Variants in VSTM4 observed in about 807,000 individuals in gnomAD.
VSTM4 encodes V-set and transmembrane domain-containing protein 4.
VSTM4 carries 20 observed loss-of-function variants against 36.4 expected under a neutral mutation model. The observed-to-expected ratio is 0.55, with a 90% CI of 0.39 to 0.80. The LOEUF is 0.80. Among genes scored for constraint, VSTM4 ranks in the 30% least tolerant of loss-of-function variants. VSTM4 has a pLI of 0.00. For synonymous variants in VSTM4, 182 were observed against 173.9 expected (o/e 1.05, Z -0.37); for missense variants, 392 against 404.5 (o/e 0.97, Z 0.26).
At chr10:49,033,762 TC>T (rs1241556724) in intron 7 of VSTM4, among the ~76,000 whole-genome samples, 1 of 152,192 alleles carries the variant, frequency 6.6e-6, no homozygotes, top group African/African-American at 2.4e-5. Flanking sequence ...CTCTAACTCA[TC>T]TGTGAAATGG....
chr10:49,100,545 G>A (rs561682545), intron 2 of VSTM4, among the ~76,000 whole-genome samples: 3 of 151,558 alleles, frequency 2.0e-5, no homozygotes, highest in Admixed American at 6.6e-5. Context: ...AAAAATGTTC[G>A]AGAGTCATGT....
In VSTM4 at chr10:49,019,321, A is replaced by C. The variant is rs1011642981; in HGVS notation, c.*329T>G. 5.2e-6 allele frequency: 1 copy of C among 190,632 alleles called. No homozygotes were observed. Among genetic ancestry groups the C allele is most frequent in the Non-Finnish European group, 1.1e-5 (1 of 94,156 alleles). The allele number at this position is 190,632 out of a possible 1,614,324, so 11.8% of individuals were successfully genotyped here. On this transcript the variant is annotated 3_prime_UTR_variant, in exon 8 of 8. Coordinates refer to ENST00000332853, the MANE Select transcript of VSTM4 (RefSeq NM_001031746.5). ...AAAATTAAGATTTAAAAACGATTTT[A>C]AAGAAAACCTGGGGAAAGAGGAGAA...
rs74703028 is a variant in VSTM4 at position 49,085,112 on chromosome 10, G to T, written c.526+843C>A. Among the ~76,000 whole-genome samples, 82 of 152,346 alleles carry T rather than the reference G, an allele frequency of 5.4e-4. 1 individual carries two copies. In the East Asian group the frequency reaches 8.1e-3, roughly 15 times the overall value. ...TTGCCTGGATGTCTTGTTAAACCCC[G>T]GATTTCTTGGGCACCATCCCTAGAA... On this transcript the variant is annotated intron_variant, in intron 3 of 7. Transcript: ENST00000332853.
In VSTM4 at chr10:49,115,415, G is replaced by C. The variant is rs1844977952; in HGVS notation, c.55+16C>G. ...CCCCCACCCTTCCCGCTCCCGCCTG[G>C]CCCCGCCGCGCTTACCCGGAGCCGG... is the stretch of plus-strand genomic sequence containing the variant. On this transcript the variant is annotated intron_variant, in intron 1 of 7. Coordinates refer to ENST00000332853, the MANE Select transcript of VSTM4 (RefSeq NM_001031746.5). The C allele has an allele frequency of 9.7e-7, 1 of 1,029,454 alleles. No individual in the cohort carries two copies. Among genetic ancestry groups the C allele is most frequent in the South Asian group, 3.6e-5 (1 of 27,516 alleles). The allele number at this position is 1,029,454 out of a possible 1,614,324, so 63.8% of individuals were successfully genotyped here.
chr10:49,111,171 A>G (rs577282608), intron 1 of VSTM4, among the ~76,000 whole-genome samples: 1 of 152,342 alleles, frequency 6.6e-6, no homozygotes, highest in South Asian at 2.1e-4. Context: ...GATGGGGCAA[A>G]GCAGGAGGGA....
intron 5 of VSTM4, among the ~76,000 whole-genome samples, chr10:49,053,542 G>C (rs1312516956): frequency 6.6e-6 from 1 of 152,230 alleles, no homozygotes; most frequent in African/African-American, 2.4e-5. Context: ...CTCTTGCAAA[G>C]TTATGAGGGT....
Position 49,019,465 on chromosome 10 carries a change from G to T in VSTM4, c.*185C>A. 1 of 670,938 alleles carries T rather than the reference G, an allele frequency of 1.5e-6. No individual in the cohort carries two copies. Among genetic ancestry groups the T allele is most frequent in the Non-Finnish European group, 2.1e-6 (1 of 466,138 alleles). 41.6% of individuals were successfully genotyped at this position (670,938 alleles called of 1,614,324 possible). On this transcript the variant is annotated 3_prime_UTR_variant, in exon 8 of 8. Coordinates refer to ENST00000332853, the MANE Select transcript of VSTM4 (RefSeq NM_001031746.5). ...TCCCGGGAGATCTGTCAAGAGCTGT[G>T]GCCCCGATTCTTTTGGGGAGAGCAG...
chr10:49,083,169 T>G (rs182938798), intron 3 of VSTM4, among the ~76,000 whole-genome samples: 2 of 152,240 alleles, frequency 1.3e-5, no homozygotes, highest in Non-Finnish European at 1.5e-5. Flanking sequence ...AGTCAGGAGA[T>G]AGCAGTTTGA....
intron 2 of VSTM4, among the ~76,000 whole-genome samples, chr10:49,097,758 C>A (rs1023808603): frequency 6.6e-6 from 1 of 152,178 alleles, no homozygotes; most frequent in African/African-American, 2.4e-5. Context: ...GACATTTTGG[C>A]CCCCTAAAAT....
In VSTM4 at chr10:49,025,556, C is replaced by T. The variant is rs553850890; in HGVS notation, c.838-5781G>A. Among the ~76,000 whole-genome samples, 5 of 152,338 alleles carry T rather than the reference C, an allele frequency of 3.3e-5. No individual in the cohort carries two copies. In the South Asian group the frequency reaches 1.0e-3, roughly 32 times the overall value. On this transcript the variant is annotated intron_variant, in intron 7 of 7. Transcript: ENST00000332853. ...GCCAGGCCTCGGCCTTGACCCTGGG[C>T]TGCAACAGATCTAGCTGGGTTGCTG... is the stretch of plus-strand genomic sequence containing the variant.
chr10:49,098,059 AC>A (rs1844604630), intron 2 of VSTM4, among the ~76,000 whole-genome samples: 2 of 152,040 alleles, frequency 1.3e-5, no homozygotes, highest in African/African-American at 4.8e-5. Flanking sequence ...TAAATAAGCC[AC>A]CCCTTGGAGA....
At chr10:49,085,699 G>T (rs967411562) in intron 3 of VSTM4, among the ~76,000 whole-genome samples, 4 of 151,826 alleles carry the variant, frequency 2.6e-5, no homozygotes, top group African/African-American at 9.7e-5. Flanking sequence ...TTTATATTCT[G>T]TTTCCTTCCT....
In VSTM4 at chr10:49,091,016, C is replaced by A. The variant is rs4317903; in HGVS notation, c.458-4993G>T. Among the ~76,000 whole-genome samples, 914 of 151,594 alleles carry A rather than the reference C, an allele frequency of 6.0e-3. 8 individuals carry two copies. The highest frequency in any genetic ancestry group is 0.021 in the African/African-American group (863 of 41,332). On this transcript the variant is annotated intron_variant, in intron 2 of 7. Transcript: ENST00000332853. ...TGCTGGGGTGGGGGGTGGGGAAAGG[C>A]GAACAGGCAGGACAACTGTTCAGGG...
At chr10:49,081,633 C>A (rs1213343612) in intron 3 of VSTM4, among the ~76,000 whole-genome samples, 1 of 152,232 alleles carries the variant, frequency 6.6e-6, no homozygotes. Flanking sequence ...GCTTCCTCAA[C>A]ATGGCTCAAA....
intron 1 of VSTM4, 95 bp from the exon 2 acceptor site, chr10:49,108,090 C>T: frequency 7.0e-7 from 1 of 1,433,332 alleles, no homozygotes; most frequent in Non-Finnish European, 9.2e-7. Flanking sequence ...CCTCCACGCA[C>T]TGGGCATCCT....
At chr10:49,073,263 G>T (rs1844115007) in intron 4 of VSTM4, among the ~76,000 whole-genome samples, 1 of 152,172 alleles carries the variant, frequency 6.6e-6, no homozygotes, top group African/African-American at 2.4e-5. Flanking sequence ...ATCTAGGGGA[G>T]GGAACACCCT....
intron 2 of VSTM4, among the ~76,000 whole-genome samples, chr10:49,098,015 G>C (rs1174651336): frequency 6.6e-6 from 1 of 152,208 alleles, no homozygotes; most frequent in Non-Finnish European, 1.5e-5. Flanking sequence ...TATGAAACAA[G>C]TTCCAATTCA....
At chr10:49,072,376 A>G (rs1399887939) in intron 4 of VSTM4, among the ~76,000 whole-genome samples, 1 of 152,138 alleles carries the variant, frequency 6.6e-6, no homozygotes, top group Non-Finnish European at 1.5e-5. Flanking sequence ...CAGCACCACC[A>G]ATCCTCAGGC....
intron 7 of VSTM4, among the ~76,000 whole-genome samples, chr10:49,034,511 CAT>C (rs1393805784): frequency 3.3e-5 from 5 of 152,228 alleles, no homozygotes; most frequent in Non-Finnish European, 5.9e-5. Context: ...TTGGTGATCA[CAT>C]GTGCTCGTTG....
Sources: allele counts gnomAD v4.1 joint callset (sites outside exome capture counted in the v4.1 genomes callset), GRCh38; gene constraint gnomAD v4.1.1; transcripts MANE v1.5; gene names NCBI Gene and HGNC (gene_info 2026-07-23, HGNC 2026-07-21).